Variants in PPM1D observed in about 807,000 individuals in gnomAD.
PPM1D encodes protein phosphatase 1D.
A neutral mutation model predicts 58.3 loss-of-function variants in PPM1D; 52 were observed. The observed-to-expected ratio is 0.89, with a 90% CI of 0.71 to 1.12. The LOEUF is 1.12. PPM1D is among the 50% of genes most tolerant of loss of function. The probability of loss-of-function intolerance (pLI) is 0.00; values close to 1 mark genes in which losing one functional copy is unlikely to be tolerated. For synonymous variants in PPM1D, 278 were observed against 285.1 expected, an observed-to-expected ratio of 0.98 and a Z score of 0.25; for missense variants, 564 against 777.2, an observed-to-expected ratio of 0.73 and a Z score of 3.26.
chr17:60,623,318 T>C (rs772915985), intron 1 of PPM1D, among the ~76,000 whole-genome samples: 2 of 152,218 alleles, frequency 1.3e-5, no homozygotes, highest in Non-Finnish European at 2.9e-5. Context: ...TGTATCATAA[T>C]TGCATTATTT....
At chr17:60,613,132 A>T (rs896573605) in intron 1 of PPM1D, among the ~76,000 whole-genome samples, 1 of 152,126 alleles carries the variant, frequency 6.6e-6, no homozygotes, top group African/African-American at 2.4e-5. Context: ...GGAATTGTGT[A>T]CTATGTAATA....
intron 1 of PPM1D, among the ~76,000 whole-genome samples, chr17:60,621,652 C>T (rs2030705647): frequency 6.7e-6 from 1 of 149,544 alleles, no homozygotes; most frequent in Admixed American, 6.6e-5. Flanking sequence ...CGGCTCACTG[C>T]AAGCTCCGCC....
intron 1 of PPM1D, among the ~76,000 whole-genome samples, chr17:60,620,827 G>A (rs990159770): frequency 6.6e-6 from 1 of 151,984 alleles, no homozygotes; most frequent in African/African-American, 2.4e-5. Context: ...TTCTTTTGGT[G>A]GTCATATTAA....
At chr17:60,605,706 C>T (rs1294286970) in intron 1 of PPM1D, among the ~76,000 whole-genome samples, 1 of 152,190 alleles carries the variant, frequency 6.6e-6, no homozygotes. Context: ...AGTTTGAGAT[C>T]AGCCTGGCCA....
At chr17:60,619,253 G>T (rs2030649366) in intron 1 of PPM1D, among the ~76,000 whole-genome samples, 1 of 149,538 alleles carries the variant, frequency 6.7e-6, no homozygotes. Flanking sequence ...ATTCCATTGT[G>T]TATACATACA....
rs372111851 is a variant in PPM1D at position 60,648,077 on chromosome 17, C to T, written c.1012C>T (p.Leu338=). The change falls in exon 4 of 6, where the codon CTG becomes TTG. Residue 338 remains leucine (L), a synonymous_variant. Coordinates refer to ENST00000305921, the MANE Select transcript of PPM1D (RefSeq NM_003620.4). ...CCAGGACCAAGAGGAGAAAAAATACCTGATGGTGAGATGTGATTGAATAAC... is the reference window on the plus strand; with the variant it reads ...CCAGGACCAAGAGGAGAAAAAATACTTGATGGTGAGATGTGATTGAATAAC... ...MCQDQEEKKY[L]MGEHGQSCAK... is the part of the protein sequence containing the mutation. The T allele has an allele frequency of 4.4e-6, 7 of 1,606,332 alleles. No homozygotes were observed. The highest frequency in any genetic ancestry group is 5.9e-6 in the Non-Finnish European group (7 of 1,177,314).
At chr17:60,605,837 A>G (rs2030318270) in intron 1 of PPM1D, among the ~76,000 whole-genome samples, 1 of 152,192 alleles carries the variant, frequency 6.6e-6, no homozygotes, top group Non-Finnish European at 1.5e-5. Flanking sequence ...CCTGGGAGGC[A>G]GAGGTTGCAG....
chr17:60,607,727 T>C (rs2030361384), intron 1 of PPM1D, among the ~76,000 whole-genome samples: 3 of 152,362 alleles, frequency 2.0e-5, no homozygotes, highest in African/African-American at 7.2e-5. Context: ...CTCTGTGTCA[T>C]AGTCTTATCA....
At chr17:60,650,260 A>G (rs2031318359) in intron 4 of PPM1D, among the ~76,000 whole-genome samples, 1 of 152,174 alleles carries the variant, frequency 6.6e-6, no homozygotes, top group African/African-American at 2.4e-5. Context: ...ACACAAAGAA[A>G]TACATGTAGG....
At chr17:60,630,245 G>A (rs2030893708) in intron 2 of PPM1D, among the ~76,000 whole-genome samples, 1 of 151,828 alleles carries the variant, frequency 6.6e-6, no homozygotes, top group African/African-American at 2.4e-5. Flanking sequence ...TTCTACAGAA[G>A]AAATTACCCT....
At chr17:60,655,787 C>T (rs1290670283) in intron 4 of PPM1D, among the ~76,000 whole-genome samples, 10 of 151,466 alleles carry the variant, frequency 6.6e-5, no homozygotes, top group South Asian at 2.1e-4. Context: ...CTGCAACCTC[C>T]GCCTCCTGGG....
chr17:60,641,017 A>G (rs2031123142), intron 3 of PPM1D, among the ~76,000 whole-genome samples: 1 of 152,052 alleles, frequency 6.6e-6, no homozygotes, highest in Admixed American at 6.6e-5. Flanking sequence ...TGGGCACCTA[A>G]GTAGATTCCT....
intron 3 of PPM1D, among the ~76,000 whole-genome samples, chr17:60,636,931 C>CA (rs2031033765): frequency 6.6e-6 from 1 of 151,460 alleles, no homozygotes; most frequent in African/African-American, 2.4e-5. Flanking sequence ...CTCAGCCTCC[C>CA]AAAGTGCATG....
chr17:60,630,890 ACT>A (rs1316261676), intron 2 of PPM1D, among the ~76,000 whole-genome samples: 1 of 152,072 alleles, frequency 6.6e-6, no homozygotes, highest in Non-Finnish European at 1.5e-5. Context: ...GCATCTTATA[ACT>A]CTTGTGTTTC....
chr17:60,619,579 A>C (rs533478504), intron 1 of PPM1D, among the ~76,000 whole-genome samples: 1 of 151,940 alleles, frequency 6.6e-6, no homozygotes, highest in South Asian at 2.1e-4. Context: ...TAGCCATCCT[A>C]ATAGGTGTGA....
chr17:60,661,052 A>G (rs1414825359), intron 5 of PPM1D, among the ~76,000 whole-genome samples: 2 of 151,406 alleles, frequency 1.3e-5, no homozygotes, highest in South Asian at 2.1e-4. Context: ...TGTCTCTACT[A>G]AAAATACAAA....
intron 2 of PPM1D, among the ~76,000 whole-genome samples, chr17:60,627,663 G>A (rs887000248): frequency 6.6e-6 from 1 of 151,736 alleles, no homozygotes; most frequent in Non-Finnish European, 1.5e-5. Context: ...CTTGTGATCC[G>A]CCCACCTCTG....
intron 3 of PPM1D, among the ~76,000 whole-genome samples, chr17:60,642,363 T>C (rs1011247554): frequency 6.6e-6 from 1 of 151,492 alleles, no homozygotes; most frequent in Non-Finnish European, 1.5e-5. Flanking sequence ...TTTTTTTTTT[T>C]TTTTTTTTTT....
chr17:60,663,269 A>AG lies in PPM1D; in HGVS notation c.1535_1536insG (p.Asn512LysfsTer16). The AG allele has an allele frequency of 6.2e-7, 1 of 1,614,210 alleles. No homozygotes were observed. Among genetic ancestry groups the AG allele is most frequent in the Non-Finnish European group, 8.5e-7 (1 of 1,180,034 alleles). On this transcript the variant is annotated frameshift_variant, in exon 6 of 6. Transcript: ENST00000305921. LOFTEE classifies it high-confidence loss of function. ...ACAAACACTGTCATGGACCAAAAAAATTTGAAGATGTCAACTCCTGGCCAA... is the reference window on the plus strand; with the variant it reads ...ACAAACACTGTCATGGACCAAAAAAAGTTTGAAGATGTCAACTCCTGGCCAA...
Sources: gnomAD v4.1 joint callset for allele counts (sites outside exome capture counted in the v4.1 genomes callset) on GRCh38, gnomAD v4.1.1 for gene constraint, MANE v1.5 for transcripts, NCBI Gene and HGNC (gene_info 2026-07-23, HGNC 2026-07-21) for gene names.